The following CYP2U1 variants were observed in gnomAD, a reference collection of about 807,000 sequenced individuals.
CYP2U1 encodes the protein cytochrome P450 family 2 subfamily U member 1.
Under a neutral mutation model 42.8 loss-of-function variants are expected in CYP2U1, and 28 were observed. That is an observed-to-expected ratio of 0.65 (90% CI 0.48 to 0.90). The LOEUF is 0.90. Ranked by LOEUF, CYP2U1 falls within the 40% of genes least tolerant of loss-of-function variation. The pLI is 0.00. For synonymous variants in CYP2U1, 296 were observed against 278.9 expected, an observed-to-expected ratio of 1.06 and a Z score of -0.61; for missense variants, 642 against 693.8, an observed-to-expected ratio of 0.93 and a Z score of 0.84.
chr4:107,937,405 G>T (rs1733310089), intron 1 of CYP2U1: 1 of 152,116 alleles, frequency 6.6e-6, no homozygotes, highest in African/African-American at 2.4e-5. Flanking sequence ...TGGAAGAAAA[G>T]GGTAAATGTA....
intron 1 of CYP2U1, among the ~76,000 whole-genome samples, chr4:107,932,917 C>G (rs1733088956): frequency 6.6e-6 from 1 of 152,230 alleles, no homozygotes; most frequent in African/African-American, 2.4e-5. Flanking sequence ...CTTCACTACA[C>G]TTTTCAAAAC....
At chr4:107,935,548 G>C (rs1733228226) in intron 1 of CYP2U1, 1 of 152,208 alleles carries the variant, frequency 6.6e-6, no homozygotes. Flanking sequence ...ATAAAGAACA[G>C]ATCATCTGAA....
intron 2 of CYP2U1, among the ~76,000 whole-genome samples, chr4:107,946,683 A>T (rs1289289764): frequency 6.6e-6 from 1 of 152,172 alleles, no homozygotes; most frequent in African/African-American, 2.4e-5. Context: ...GAATCCAGGA[A>T]TGACTTCCAG....
Position 107,945,529 on chromosome 4 carries a change from T to C in CYP2U1, c.1050T>C (p.Phe350=). ...TATTTTATATCATTGGGGATCTCTT[T>C]ATTGCTGGGACTGATACCACAACTA... The part of the protein sequence containing the change: ...EYLFYIIGDL[F]IAGTDTTTNS... The change falls in exon 2 of 5, where the codon TTT becomes TTC. Residue 350 remains phenylalanine, a synonymous_variant. Coordinates refer to ENST00000332884, the MANE Select transcript of CYP2U1 (RefSeq NM_183075.3). The C allele has an allele frequency of 1.2e-6, 2 of 1,613,618 alleles. No homozygotes were observed. The highest frequency in any genetic ancestry group is 1.7e-6 in the Non-Finnish European group (2 of 1,179,742).
Position 107,942,310 on chromosome 4 carries a change from A to G in CYP2U1, c.491-2660A>G, listed in dbSNP as rs182765501. The stretch of plus-strand genomic sequence containing the variant: ...CCACCCACTGTCTGCACCTCAGCAA[A>G]TGCCTCCTATGCTCTGTGGATCCCC... On this transcript the variant is annotated intron_variant, in intron 1 of 4. Transcript: ENST00000332884. Among the ~76,000 whole-genome samples, 338 of 152,312 alleles carry G rather than the reference A, an allele frequency of 2.2e-3. 1 individual carries two copies. Among genetic ancestry groups the G allele is most frequent in the Non-Finnish European group, 4.2e-3 (287 of 68,026 alleles).
At position 107,951,089 on chromosome 4, in the gene CYP2U1, T is replaced by C. The variant is rs1443838289; in HGVS notation, c.*666T>C. On this transcript the variant is annotated 3_prime_UTR_variant, in exon 5 of 5. Coordinates refer to ENST00000332884, the MANE Select transcript of CYP2U1 (RefSeq NM_183075.3). ...TGTAGATGTGGGATGAAGTGGACTC[T>C]GTCGTGTATATTGAGGAAAAAAGAA... The C allele has an allele frequency of 6.6e-6, 1 of 152,240 alleles. No homozygotes were observed. The highest frequency in any genetic ancestry group is 6.5e-5 in the Admixed American group (1 of 15,284). 9.4% of individuals were successfully genotyped at this position (152,240 alleles called of 1,614,324 possible). A position where few individuals can be genotyped will look rare whatever the true frequency, so the allele number is the denominator to read the frequency against.
rs1439683016 is a variant in CYP2U1 at position 107,950,328 on chromosome 4, G to C, written c.1540G>C (p.Ala514Pro). Residue 514 changes from alanine to proline, a missense_variant, in exon 5 of 5, where the codon GCT (alanine) becomes CCT (proline). Ala to Pro is a conservative substitution (Grantham distance 27, BLOSUM62 -1). Coordinates refer to ENST00000332884, the MANE Select transcript of CYP2U1 (RefSeq NM_183075.3). ...FVSLMQSFAF[A>P]LPEDSKKPLL... ...GAGCCTAATGCAGAGTTTCGCATTT[G>C]CTTTACCTGAGGATTCTAAGAAGCC... 6.2e-7 allele frequency: 1 copy of C among 1,614,066 alleles called. No homozygotes were observed. Among genetic ancestry groups the C allele is most frequent in the East Asian group, 2.2e-5 (1 of 44,872 alleles).
chr4:107,937,643 G>C (rs1380857853), intron 1 of CYP2U1: 1 of 151,880 alleles, frequency 6.6e-6, no homozygotes, highest in African/African-American at 2.4e-5. Context: ...TGAGTAGCTG[G>C]GATTATAGGC....
rs1733831540 is a variant in CYP2U1, at chr4:107,949,420, A to G, written c.1359A>G (p.Pro453=). ...LPNLWSVHRD[P]AIWEKPEDFY... ...ACCTGTGGTCAGTACATAGAGACCC[A>G]GCCATTTGGGAGAAACCGGAGGATT... Residue 453 remains proline (P), a synonymous_variant, in exon 4 of 5, where the codon CCA becomes CCG. Coordinates refer to ENST00000332884, the MANE Select transcript of CYP2U1 (RefSeq NM_183075.3). 6.2e-7 allele frequency: 1 copy of G among 1,611,810 alleles called. No individual in the cohort carries two copies. Among genetic ancestry groups the G allele is most frequent in the Non-Finnish European group, 8.5e-7 (1 of 1,178,802 alleles).
intron 1 of CYP2U1, chr4:107,940,841 A>G (rs1733467227): frequency 6.6e-6 from 1 of 152,204 alleles, no homozygotes; most frequent in South Asian, 2.1e-4. Flanking sequence ...AAATCTCAGA[A>G]TAGTATGTTA....
At chr4:107,941,717 A>C (rs1245430933) in intron 1 of CYP2U1, among the ~76,000 whole-genome samples, 1 of 152,148 alleles carries the variant, frequency 6.6e-6, no homozygotes, top group Non-Finnish European at 1.5e-5. Flanking sequence ...TAGAGCTTTA[A>C]ATTATTTATT....
rs1288449186 is a variant in CYP2U1, at chr4:107,945,373, T to TA, written c.901dup (p.Ile301AsnfsTer11). The TA allele has an allele frequency of 1.9e-6, 3 of 1,613,902 alleles. No homozygotes were observed. The highest frequency in any genetic ancestry group is 2.7e-5 in the African/African-American group (2 of 74,876). On this transcript the variant is annotated frameshift_variant, in exon 2 of 5. Transcript: ENST00000332884. LOFTEE classifies it high-confidence loss of function. Reference sequence around the variant, plus strand: ...TTGAAAAGGATATAACCAGTTTCCTTAAAAAAATCATCAAAGACCATCAAG... The same window carrying TA: ...TTGAAAAGGATATAACCAGTTTCCTTAAAAAAAATCATCAAAGACCATCAAG...
intron 1 of CYP2U1, among the ~76,000 whole-genome samples, chr4:107,944,723 A>T (rs1733618921): frequency 6.7e-6 from 1 of 150,350 alleles, no homozygotes; most frequent in African/African-American, 2.4e-5. Flanking sequence ...ACTAACTATA[A>T]TAAGCTTTAG....
At position 107,931,985 on chromosome 4, in the gene CYP2U1, C is replaced by A. The variant is rs1021034246; in HGVS notation, c.342C>A (p.Tyr114Ter). The A allele has an allele frequency of 2.6e-6, 4 of 1,553,246 alleles. No individual in the cohort carries two copies. Among genetic ancestry groups the A allele is most frequent in the Non-Finnish European group, 3.5e-6 (4 of 1,148,162 alleles). Reference protein sequence around the residue: ...QVLLAHLARVYGSIFSFFIGH... With the variant: ...QVLLAHLARV ...TCCTGGCTCACCTAGCCCGCGTGTA[C>A]GGCAGCATCTTCAGCTTCTTTATCG... Residue 114 changes from tyrosine to a stop codon, truncating the protein, a stop_gained, in exon 1 of 5, where the codon TAC (tyrosine) becomes TAA (stop). Transcript: ENST00000332884. LOFTEE classifies it high-confidence loss of function.
rs139667669 is a variant in CYP2U1, at chr4:107,931,574, C to T, written c.-70C>T. The stretch of plus-strand genomic sequence containing the variant: ...AGAGCAGAGCAGGACACTGGCGCCG[C>T]GGGTCAGGCAGCTGCGTGCGCGTCT... On this transcript the variant is annotated 5_prime_UTR_variant, in exon 1 of 5. Transcript: ENST00000332884. 5,833 of 1,212,530 alleles carry T rather than the reference C, an allele frequency of 4.8e-3. 188 individuals carry two copies. In the African/African-American group the frequency reaches 0.077, roughly 16 times the overall value. The allele number at this position is 1,212,530 out of a possible 1,614,324, so 75.1% of individuals were successfully genotyped here. A position where few individuals can be genotyped will look rare whatever the true frequency, so the allele number is the denominator to read the frequency against.
At chr4:107,936,382 A>G (rs1447318843) in intron 1 of CYP2U1, 1 of 152,256 alleles carries the variant, frequency 6.6e-6, no homozygotes, top group East Asian at 1.9e-4. Flanking sequence ...TCAATGGATT[A>G]GTGCTGTTAT....
rs1352482228 is a variant in CYP2U1, at chr4:107,931,592, G to T, written c.-52G>T. 12 of 1,233,648 alleles carry T rather than the reference G, an allele frequency of 9.7e-6. No homozygotes were observed. The highest frequency in any genetic ancestry group is 1.2e-5 in the Non-Finnish European group (12 of 989,610). The allele number at this position is 1,233,648 out of a possible 1,614,324, so 76.4% of individuals were successfully genotyped here. Reference sequence around the variant, plus strand: ...GGCGCCGCGGGTCAGGCAGCTGCGTGCGCGTCTCCTCCAGGCAGCAAGGGG... The same window carrying T: ...GGCGCCGCGGGTCAGGCAGCTGCGTTCGCGTCTCCTCCAGGCAGCAAGGGG... On this transcript the variant is annotated 5_prime_UTR_variant, in exon 1 of 5. Coordinates refer to ENST00000332884, the MANE Select transcript of CYP2U1 (RefSeq NM_183075.3).
chr4:107,932,041 T>A lies in CYP2U1; in HGVS notation c.398T>A (p.Phe133Tyr), dbSNP rs1733010654. The A allele has an allele frequency of 6.3e-7, 1 of 1,575,482 alleles. No individual in the cohort carries two copies. The highest frequency in any genetic ancestry group is 2.4e-5 in the East Asian group (1 of 42,274). ...TACCTGGTGGTGGTCCTCAGCGACT[T>A]CCACAGCGTGCGCGAGGCGCTGGTG... ...GHYLVVVLSD[F>Y]HSVREALVQQ... The change falls in exon 1 of 5, where the codon TTC becomes TAC. Residue 133 changes from phenylalanine (F) to tyrosine (Y), a missense_variant. Transcript: ENST00000332884.
intron 1 of CYP2U1, among the ~76,000 whole-genome samples, chr4:107,944,302 T>G (rs1733601399): frequency 6.6e-6 from 1 of 152,156 alleles, no homozygotes; most frequent in Non-Finnish European, 1.5e-5. Flanking sequence ...TATTTTTCTG[T>G]CTTTTTCTTC....
Sources: allele counts gnomAD v4.1 joint callset (sites outside exome capture counted in the v4.1 genomes callset), GRCh38; gene constraint gnomAD v4.1.1; transcripts MANE v1.5; gene names NCBI Gene and HGNC (gene_info 2026-07-23, HGNC 2026-07-21).